The following RBPMS variants were observed in gnomAD, a reference collection of about 807,000 sequenced individuals.
RBPMS encodes RNA-binding protein with multiple splicing.
RBPMS carries 7 observed loss-of-function variants against 26.8 expected under a neutral mutation model. The ratio of observed to expected loss-of-function variants is 0.26; its 90% CI spans 0.15 to 0.49. RBPMS has a LOEUF of 0.49. Ranked by LOEUF, RBPMS falls within the 20% of genes least tolerant of loss-of-function variation. The pLI is 0.98. For missense variants in RBPMS, 186 were observed against 250.0 expected (o/e 0.74, Z 1.73); for synonymous variants, 96 against 93.3 (o/e 1.03, Z -0.17).
At chr8:30,528,528 T>C (rs1431145311) in intron 5 of RBPMS, among the ~76,000 whole-genome samples, 1 of 152,238 alleles carries the variant, frequency 6.6e-6, no homozygotes, top group Non-Finnish European at 1.5e-5. Flanking sequence ...GGTCATTAGA[T>C]AGTGCATGTT....
rs745701840 is a variant in RBPMS, at chr8:30,462,733, TTTG to T, written c.67-12031_67-12029del. Among the ~76,000 whole-genome samples, 785 of 152,110 alleles carry T rather than the reference TTTG, an allele frequency of 5.2e-3. 4 individuals are homozygous for T. The highest frequency in any genetic ancestry group is 0.013 in the African/African-American group (548 of 41,476). On this transcript the variant is annotated intron_variant, in intron 1 of 8. Coordinates refer to ENST00000397323, the MANE Select transcript of RBPMS (RefSeq NM_001008710.3). The stretch of plus-strand genomic sequence containing the variant: ...TGAGCCACTGTGCCTGGCCTGATTT[TTTG>T]TTGTTGTTGTTGTTTTTAATCTCAA...
chr8:30,551,433 A>T (rs576965082), intron 6 of RBPMS, among the ~76,000 whole-genome samples: 2 of 152,306 alleles, frequency 1.3e-5, no homozygotes, highest in South Asian at 4.2e-4. Context: ...TCACAGTATT[A>T]TTCAGGATTG....
At chr8:30,461,162 A>G (rs1659958203) in intron 1 of RBPMS, among the ~76,000 whole-genome samples, 1 of 152,082 alleles carries the variant, frequency 6.6e-6, no homozygotes, top group Admixed American at 6.6e-5. Context: ...TTACCAACTG[A>G]TACCAATCTC....
At chr8:30,487,754 ACTAAT>A (rs1818943974) in intron 4 of RBPMS, among the ~76,000 whole-genome samples, 1 of 151,870 alleles carries the variant, frequency 6.6e-6, no homozygotes. Flanking sequence ...ACATTATTAG[ACTAAT>A]CTAGAATCTA....
chr8:30,475,473 G>A (rs534582773), intron 2 of RBPMS, among the ~76,000 whole-genome samples: 3 of 152,308 alleles, frequency 2.0e-5, no homozygotes, highest in Non-Finnish European at 4.4e-5. Context: ...TGATCGAATC[G>A]GGGCCCTGGA....
intron 1 of RBPMS, among the ~76,000 whole-genome samples, chr8:30,440,390 C>T (rs1812939185): frequency 6.6e-6 from 1 of 152,212 alleles, no homozygotes; most frequent in African/African-American, 2.4e-5. Context: ...AGCATTCTTA[C>T]TCCCTTTTTC....
intron 4 of RBPMS, among the ~76,000 whole-genome samples, chr8:30,492,912 A>G (rs1367247883): frequency 6.6e-6 from 1 of 152,126 alleles, no homozygotes; most frequent in Non-Finnish European, 1.5e-5. Context: ...TGAGCTTTAC[A>G]GAGATGAATC....
chr8:30,539,216 C>A (rs1825125810), intron 5 of RBPMS, among the ~76,000 whole-genome samples: 2 of 152,124 alleles, frequency 1.3e-5, no homozygotes, highest in African/African-American at 2.4e-5. Context: ...CCAAATTCTT[C>A]ATCTACGAGG....
intron 1 of RBPMS, among the ~76,000 whole-genome samples, chr8:30,455,994 G>A (rs1815164432): frequency 6.6e-6 from 1 of 152,178 alleles, no homozygotes; most frequent in South Asian, 2.1e-4. Context: ...GGTAATGAAT[G>A]GAACATCTGA....
At chr8:30,469,082 G>A (rs1816818141) in intron 1 of RBPMS, among the ~76,000 whole-genome samples, 1 of 152,212 alleles carries the variant, frequency 6.6e-6, no homozygotes, top group African/African-American at 2.4e-5. Context: ...GATACTATGT[G>A]TTTACCAGAT....
At chr8:30,438,010 A>G (rs1024821177) in intron 1 of RBPMS, among the ~76,000 whole-genome samples, 10 of 152,186 alleles carry the variant, frequency 6.6e-5, no homozygotes, top group African/African-American at 2.2e-4. Flanking sequence ...TGATTTATCT[A>G]TTTTGCAAGT....
At chr8:30,431,827 A>C (rs1035352815) in intron 1 of RBPMS, among the ~76,000 whole-genome samples, 3 of 152,090 alleles carry the variant, frequency 2.0e-5, no homozygotes, top group African/African-American at 7.2e-5. Context: ...TAAGAGTTTA[A>C]AACATTATTT....
chr8:30,493,954 CA>C (rs932298848), intron 4 of RBPMS, among the ~76,000 whole-genome samples: 1 of 152,128 alleles, frequency 6.6e-6, no homozygotes, highest in Non-Finnish European at 1.5e-5. Flanking sequence ...TTGGCTAACA[CA>C]AAAAGTAAGT....
chr8:30,416,237 A>G (rs1255851150), intron 1 of RBPMS, among the ~76,000 whole-genome samples: 2 of 152,240 alleles, frequency 1.3e-5, no homozygotes, highest in African/African-American at 2.4e-5. Context: ...GTTAATCCAT[A>G]GGACATACAG....
chr8:30,549,257 G>A (rs1210860463), intron 6 of RBPMS, among the ~76,000 whole-genome samples: 1 of 152,202 alleles, frequency 6.6e-6, no homozygotes, highest in Non-Finnish European at 1.5e-5. Flanking sequence ...GCTTGCTTCT[G>A]TGAATCTCAG....
At chr8:30,497,182 C>T (rs1212561091) in intron 4 of RBPMS, among the ~76,000 whole-genome samples, 2 of 152,130 alleles carry the variant, frequency 1.3e-5, no homozygotes, top group African/African-American at 4.8e-5. Context: ...GCTTCATTTC[C>T]TTTTCTCCTG....
intron 5 of RBPMS, among the ~76,000 whole-genome samples, chr8:30,536,646 T>A (rs1198086842): frequency 2.0e-5 from 3 of 152,248 alleles, no homozygotes; most frequent in Non-Finnish European, 4.4e-5. Flanking sequence ...ATTTTTTATT[T>A]TTAAAAAATT....
chr8:30,470,515 A>G (rs956224940), intron 1 of RBPMS, among the ~76,000 whole-genome samples: 1 of 152,154 alleles, frequency 6.6e-6, no homozygotes, highest in Admixed American at 6.5e-5. Context: ...TAGTCTGAGG[A>G]GGTCTCTAGG....
intron 1 of RBPMS, among the ~76,000 whole-genome samples, chr8:30,431,063 CTTGAA>C (rs1220578576): frequency 6.6e-6 from 1 of 152,048 alleles, no homozygotes; most frequent in Non-Finnish European, 1.5e-5. Context: ...CTTGCATTTC[CTTGAA>C]TTGAATGGGA....
Sources: allele counts gnomAD v4.1 joint callset (sites outside exome capture counted in the v4.1 genomes callset), GRCh38; gene constraint gnomAD v4.1.1; transcripts MANE v1.5; gene names NCBI Gene and HGNC (gene_info 2026-07-23, HGNC 2026-07-21).